The following PCDH7 variants were observed in gnomAD, a reference collection of about 807,000 sequenced individuals.
The protein encoded by PCDH7 is protocadherin 7.
In PCDH7, 17 loss-of-function variants were observed where a neutral mutation model predicts 58.9. The ratio of observed to expected loss-of-function variants is 0.29; its 90% confidence interval spans 0.20 to 0.43. The LOEUF (loss-of-function observed/expected upper bound fraction) is 0.43. Ranked by LOEUF, PCDH7 falls within the 20% of genes least tolerant of loss-of-function variation. The pLI, the probability that PCDH7 is intolerant of heterozygous loss-of-function variation, is 1.00. For missense variants in PCDH7, 1,274 were observed against 1,441.0 expected (o/e 0.88, Z 1.88); for synonymous variants, 664 against 616.4 (o/e 1.08, Z -1.14).
intron 1 of PCDH7, among the ~76,000 whole-genome samples, chr4:30,895,015 A>G (rs933794104): frequency 1.3e-5 from 2 of 151,872 alleles, no homozygotes; most frequent in Non-Finnish European, 2.9e-5. Context: ...TATGTCATGC[A>G]TTAGTTTTAT....
chr4:30,891,303 A>G (rs952376620), intron 1 of PCDH7, among the ~76,000 whole-genome samples: 4 of 152,136 alleles, frequency 2.6e-5, no homozygotes, highest in Non-Finnish European at 2.9e-5. Context: ...AAATGAGAGT[A>G]AGAGCTTCAT....
chr4:31,137,652 G>A (rs1719770350), intron 3 of PCDH7, among the ~76,000 whole-genome samples: 1 of 152,126 alleles, frequency 6.6e-6, no homozygotes. Context: ...TGCAGATTTT[G>A]TCAAGTAATG....
At chr4:31,095,026 A>G (rs1458379204) in intron 3 of PCDH7, among the ~76,000 whole-genome samples, 1 of 152,166 alleles carries the variant, frequency 6.6e-6, no homozygotes, top group Non-Finnish European at 1.5e-5. Flanking sequence ...CAGAGTAGTC[A>G]GGTTTATATT....
intron 3 of PCDH7, among the ~76,000 whole-genome samples, chr4:30,958,133 G>A (rs901995667): frequency 3.3e-5 from 5 of 152,012 alleles, no homozygotes; most frequent in Non-Finnish European, 7.4e-5. Flanking sequence ...CAGTGAGGAA[G>A]GAGGTTACAG....
intron 1 of PCDH7, among the ~76,000 whole-genome samples, chr4:30,745,499 G>C (rs1056083656): frequency 2.0e-5 from 3 of 152,016 alleles, no homozygotes; most frequent in Admixed American, 2.0e-4. Flanking sequence ...GCCTCTCCAA[G>C]TTATATTTCT....
At chr4:31,056,514 AAAGG>A (rs879709880) in intron 3 of PCDH7, among the ~76,000 whole-genome samples, 4,406 of 102,232 alleles carry the variant, frequency 0.043, 237 homozygotes, top group East Asian at 0.13. Context: ...AGAAAGAAAG[AAAGG>A]GGAAGGGAAG....
In PCDH7 at chr4:30,722,443, G is replaced by A. The variant is rs199625330; in HGVS notation, c.1021G>A (p.Gly341Arg). The change falls in exon 1 of 2, where the codon GGG becomes AGG. Residue 341 changes from glycine (G) to arginine (R), a missense_variant. By Grantham distance (125) the Gly-to-Arg change is moderately radical (BLOSUM62 -2). Transcript: ENST00000361762. The surrounding 1 kb of genome is among the most constrained non-coding windows in gnomAD (Gnocchi z 7.6). ...AGCCGACTTGGACGTGGGGGTCAAC[G>A]GGCAGATCGAATACGTGTTCGGGGC... 1.1e-5 allele frequency: 18 copies of A among 1,612,216 alleles called. No homozygotes were observed. Among genetic ancestry groups the A allele is most frequent in the Non-Finnish European group, 1.5e-5 (18 of 1,179,744 alleles).
chr4:30,969,674 CAGAG>C (rs904864415), intron 3 of PCDH7, among the ~76,000 whole-genome samples: 8 of 152,000 alleles, frequency 5.3e-5, no homozygotes, highest in East Asian at 3.9e-4. Context: ...GAGAGAGAGA[CAGAG>C]AGAGAAAGAG....
rs910882976 is a variant in PCDH7, at chr4:30,722,562, G to C, written c.1140G>C (p.Gln380His). ...GGATCGACCGCGAGGAGGTGAACCAGCTGCGCTTCACGGTCATGGCCCGCG... is the reference window on the plus strand; with the variant it reads ...GGATCGACCGCGAGGAGGTGAACCACCTGCGCTTCACGGTCATGGCCCGCG... Residue 380 changes from glutamine to histidine, a missense_variant, in exon 1 of 2, where the codon CAG (glutamine) becomes CAC (histidine). Transcript: ENST00000361762. This position sits in a 1 kb window ranked among gnomAD's most constrained non-coding sequence, Gnocchi z 7.6. 15 of 1,612,642 alleles carry C rather than the reference G, an allele frequency of 9.3e-6. No homozygotes were observed. Among genetic ancestry groups the C allele is most frequent in the Admixed American group, 3.3e-5 (2 of 60,000 alleles).
At chr4:30,927,384 T>A (rs1371004087) in intron 2 of PCDH7, among the ~76,000 whole-genome samples, 1 of 151,910 alleles carries the variant, frequency 6.6e-6, no homozygotes, top group African/African-American at 2.4e-5. Flanking sequence ...GAACGGGCCA[T>A]GATGACAATG....
chr4:31,009,474 C>A (rs1048947930), intron 3 of PCDH7, among the ~76,000 whole-genome samples: 10 of 151,970 alleles, frequency 6.6e-5, no homozygotes, highest in Non-Finnish European at 1.5e-4. Flanking sequence ...AAAATCTACA[C>A]AGTACCGGCC....
intron 3 of PCDH7, among the ~76,000 whole-genome samples, chr4:31,003,680 TG>T (rs564232251): frequency 1.7e-3 from 266 of 152,054 alleles, no homozygotes; most frequent in African/African-American, 6.3e-3. Context: ...GGCAGAGGCG[TG>T]TGGATCACGA....
intron 1 of PCDH7, 144 bp downstream of exon 1, chr4:30,724,740 T>C (rs2109229804): frequency 1.4e-6 from 2 of 1,449,032 alleles, no homozygotes; most frequent in African/African-American, 1.4e-5. Context: ...TTTTGCACCA[T>C]TAATTTAGCA....
chr4:31,068,346 A>G (rs931385936), intron 3 of PCDH7, among the ~76,000 whole-genome samples: 4 of 151,998 alleles, frequency 2.6e-5, no homozygotes, highest in African/African-American at 9.7e-5. Flanking sequence ...GAAAATAGAA[A>G]AAAAATCCAT....
intron 1 of PCDH7, among the ~76,000 whole-genome samples, chr4:30,876,089 A>G (rs1736248593): frequency 6.6e-6 from 1 of 152,136 alleles, no homozygotes; most frequent in Non-Finnish European, 1.5e-5. Flanking sequence ...CATTAGTCAT[A>G]TGAAATCTGA....
intron 3 of PCDH7, among the ~76,000 whole-genome samples, chr4:31,118,396 A>T (rs1208656049): frequency 1.3e-5 from 2 of 151,834 alleles, no homozygotes; most frequent in Non-Finnish European, 2.9e-5. Context: ...CCCAACTAAC[A>T]TTTTTTTTAA....
At chr4:30,738,515 G>A (rs1293030019) in intron 1 of PCDH7, among the ~76,000 whole-genome samples, 1 of 152,074 alleles carries the variant, frequency 6.6e-6, no homozygotes, top group Admixed American at 6.6e-5. Flanking sequence ...AACTTATTAG[G>A]CACATCACTG....
rs533328015 is a variant in PCDH7 at position 30,762,806 on chromosome 4, T to C, written c.70+38210T>C. Among the ~76,000 whole-genome samples, 308 of 152,284 alleles carry C rather than the reference T, an allele frequency of 2.0e-3. 2 individuals carry two copies. Among genetic ancestry groups the C allele is most frequent in the African/African-American group, 7.1e-3 (296 of 41,542 alleles). Reference sequence around the variant, plus strand: ...CAAACACAAAATCAAACAAACATGGTATTTCTCCCAATAATTATAAGTTTA... The same window carrying C: ...CAAACACAAAATCAAACAAACATGGCATTTCTCCCAATAATTATAAGTTTA... On this transcript the variant is annotated intron_variant, in intron 1 of 3. Transcript: ENST00000509759.
intron 1 of PCDH7, among the ~76,000 whole-genome samples, chr4:30,917,621 A>C (rs1404614237): frequency 2.0e-5 from 3 of 151,938 alleles, no homozygotes; most frequent in Non-Finnish European, 4.4e-5. Context: ...AATAGATAAA[A>C]ATATTTTAAA....
Sources: allele counts gnomAD v4.1 joint callset (sites outside exome capture counted in the v4.1 genomes callset), GRCh38; gene constraint gnomAD v4.1.1; non-coding constraint Gnocchi (gnomAD v3.1); transcripts MANE v1.5; gene names NCBI Gene and HGNC (gene_info 2026-07-23, HGNC 2026-07-21).